XKR9: variants seen among roughly 807,000 people sequenced by gnomAD.
The protein encoded by XKR9 is XK related 9.
XKR9 carries 32 observed loss-of-function variants against 32.0 expected under a neutral mutation model. The ratio of observed to expected loss-of-function variants is 1.00; its 90% CI spans 0.76 to 1.34. The LOEUF is 1.34. Among genes scored for constraint, XKR9 ranks in the 40% most tolerant of loss-of-function variants. The probability of loss-of-function intolerance (pLI) is 0.00; values close to 1 mark genes in which losing one functional copy is unlikely to be tolerated. For missense variants in XKR9, 546 were observed against 429.7 expected (o/e 1.27, Z -2.39); for synonymous variants, 168 against 143.4 (o/e 1.17, Z -1.22).
chr8:70,731,259 TACAC>T (rs1051925304), intron 4 of XKR9, among the ~76,000 whole-genome samples: 4 of 151,910 alleles, frequency 2.6e-5, no homozygotes, highest in Non-Finnish European at 4.4e-5. Flanking sequence ...ACCATTTACA[TACAC>T]ACACAGAGAA....
intron 4 of XKR9, among the ~76,000 whole-genome samples, chr8:70,709,036 C>T (rs1271296640): frequency 6.6e-6 from 1 of 151,962 alleles, no homozygotes; most frequent in Non-Finnish European, 1.5e-5. Context: ...AACATAGGCA[C>T]AAAAATCCTC....
chr8:70,851,378 A>G, the XKR9 span, among the ~76,000 whole-genome samples: 81 of 152,346 alleles, frequency 5.3e-4, no homozygotes, highest in African/African-American at 1.8e-3. Flanking sequence ...TATAGATTCA[A>G]TGCTATTCCC....
the XKR9 span, among the ~76,000 whole-genome samples, chr8:70,918,890 G>A: frequency 6.5e-5 from 9 of 139,148 alleles, no homozygotes; most frequent in African/African-American, 2.4e-4. Context: ...CCATTCTCTT[G>A]CCTCAGCCTC....
At chr8:70,995,242 A>G in the XKR9 span, among the ~76,000 whole-genome samples, 3 of 152,328 alleles carry the variant, frequency 2.0e-5, no homozygotes, top group Admixed American at 6.5e-5. Context: ...TACTTTCATG[A>G]TGGCCCATAC....
chr8:70,725,312 G>A (rs1276640017), intron 4 of XKR9, among the ~76,000 whole-genome samples: 1 of 152,158 alleles, frequency 6.6e-6, no homozygotes, highest in South Asian at 2.1e-4. Flanking sequence ...GCTCTTTTGG[G>A]TGGATGGGGG....
chr8:70,904,540 A>G, the XKR9 span, among the ~76,000 whole-genome samples: 1 of 152,142 alleles, frequency 6.6e-6, no homozygotes, highest in Non-Finnish European at 1.5e-5. Flanking sequence ...GGTCTCCTGA[A>G]TACAGCACAC....
At chr8:71,012,772 T>C in the XKR9 span, among the ~76,000 whole-genome samples, 1 of 152,182 alleles carries the variant, frequency 6.6e-6, no homozygotes. Context: ...GCTAAGCAAC[T>C]TTCCCCTGGT....
chr8:70,942,200 G>A, the XKR9 span, among the ~76,000 whole-genome samples: 1 of 152,112 alleles, frequency 6.6e-6, no homozygotes. Flanking sequence ...TCTAACAGTG[G>A]GAGCAGTCTT....
the XKR9 span, among the ~76,000 whole-genome samples, chr8:71,005,811 C>A: frequency 2.6e-5 from 4 of 152,232 alleles, no homozygotes; most frequent in Non-Finnish European, 4.4e-5. Context: ...GCATCCTCAT[C>A]TCTGTAAGGG....
At chr8:71,039,886 T>C in the XKR9 span, among the ~76,000 whole-genome samples, 2 of 152,198 alleles carry the variant, frequency 1.3e-5, no homozygotes, top group African/African-American at 4.8e-5. Context: ...TCTCCACATA[T>C]GAAAAGAAAT....
the XKR9 span, among the ~76,000 whole-genome samples, chr8:70,905,515 T>TTCGTCTAA: frequency 9.2e-5 from 14 of 152,192 alleles, no homozygotes; most frequent in East Asian, 5.8e-4. Flanking sequence ...TAGTTAGCCA[T>TTCGTCTAA]TCGTCTAATC....
chr8:70,790,993 T>A (rs1339488505), downstream of XKR9, among the ~76,000 whole-genome samples: 1 of 151,998 alleles, frequency 6.6e-6, no homozygotes, highest in East Asian at 1.9e-4. Context: ...ATTCACGTGG[T>A]CAGAGTCCTC....
intron 3 of XKR9, among the ~76,000 whole-genome samples, chr8:70,698,365 A>C (rs1805373773): frequency 2.0e-5 from 3 of 152,276 alleles, no homozygotes; most frequent in Admixed American, 2.0e-4. Context: ...AATGTGTCCC[A>C]GAGATTCTGG....
chr8:71,001,166 C>T, the XKR9 span, among the ~76,000 whole-genome samples: 1 of 152,328 alleles, frequency 6.6e-6, no homozygotes, highest in East Asian at 1.9e-4. Context: ...ACTTAAAAAA[C>T]ATAAATTATG....
chr8:70,733,133 T>C (rs1213067987), intron 4 of XKR9, among the ~76,000 whole-genome samples: 1 of 151,774 alleles, frequency 6.6e-6, no homozygotes, highest in Non-Finnish European at 1.5e-5. Flanking sequence ...ATAAAGAGAG[T>C]GGTAATTAAC....
downstream of XKR9, among the ~76,000 whole-genome samples, chr8:70,795,125 C>T (rs377090456): frequency 2.6e-5 from 4 of 152,128 alleles, no homozygotes; most frequent in East Asian, 5.8e-4. Context: ...TCCTCTCCCT[C>T]CTCCCACCCT....
At chr8:70,993,436 C>T in the XKR9 span, among the ~76,000 whole-genome samples, 11 of 152,152 alleles carry the variant, frequency 7.2e-5, no homozygotes, top group Non-Finnish European at 1.5e-4. Context: ...GGCCTTCACT[C>T]AAGTCTGTGA....
chr8:70,844,468 G>T, the XKR9 span, among the ~76,000 whole-genome samples: 3 of 152,304 alleles, frequency 2.0e-5, no homozygotes, highest in East Asian at 5.8e-4. Context: ...CAGCACGCTT[G>T]TACATGCCCT....
At chr8:70,963,431 C>A in the XKR9 span, among the ~76,000 whole-genome samples, 8 of 152,116 alleles carry the variant, frequency 5.3e-5, no homozygotes, top group African/African-American at 1.9e-4. Context: ...TGAGCATATG[C>A]ATGCCAGTAT....
Sources: gnomAD v4.1 joint callset for allele counts (sites outside exome capture counted in the v4.1 genomes callset) on GRCh38, gnomAD v4.1.1 for gene constraint, MANE v1.5 for transcripts, NCBI Gene and HGNC (gene_info 2026-07-23, HGNC 2026-07-21) for gene names.